Variants in ZNF736 observed in about 807,000 individuals in gnomAD.
ZNF736 encodes the protein KRAB-containing zinc-finger repressor protein.
In ZNF736, 6 loss-of-function variants were observed where a neutral mutation model predicts 11.7. The ratio of observed to expected loss-of-function variants is 0.51; its 90% CI spans 0.28 to 1.01. ZNF736 has a LOEUF of 1.01. Among genes scored for constraint, ZNF736 ranks in the 50% least tolerant of loss-of-function variants. The pLI is 0.09. For missense variants in ZNF736, 444 were observed against 496.0 expected (o/e 0.90, Z 1.00); for synonymous variants, 139 against 164.7 (o/e 0.84, Z 1.19).
At chr7:64,328,505 A>G (rs1405958030) in intron 1 of ZNF736, among the ~76,000 whole-genome samples, 3 of 152,148 alleles carry the variant, frequency 2.0e-5, no homozygotes, top group Admixed American at 2.0e-4. Flanking sequence ...TCACGCCTGT[A>G]ATCCCAGCAC....
At chr7:64,337,756 G>T (rs776300) in intron 3 of ZNF736, among the ~76,000 whole-genome samples, 68,287 of 111,974 alleles carry the variant, frequency 0.61, 19,238 homozygotes, top group Middle Eastern at 0.7. Flanking sequence ...GTTTTTTTTG[G>T]TTTTTTTTTT....
intron 2 of ZNF736, 59 bp from the exon 3 acceptor site, chr7:64,336,826 GTA>G: frequency 7.7e-7 from 1 of 1,305,764 alleles, no homozygotes; most frequent in Non-Finnish European, 1.1e-6. Flanking sequence ...ACTGAGCATA[GTA>G]CTAGATTAGT....
chr7:64,318,939 C>G (rs1055220531), intron 1 of ZNF736, among the ~76,000 whole-genome samples: 16 of 152,076 alleles, frequency 1.1e-4, no homozygotes, highest in Admixed American at 5.2e-4. Context: ...AAAGGAGAAG[C>G]CTGTGGCACT....
In ZNF736 at chr7:64,350,485, A is replaced by G. The variant is rs143481036; in HGVS notation, c.*1338A>G. 2.6e-5 allele frequency: 4 copies of G among 152,234 alleles called. No individual in the cohort carries two copies. Among genetic ancestry groups the G allele is most frequent in the Non-Finnish European group, 5.9e-5 (4 of 68,014 alleles). The allele number at this position is 152,234 out of a possible 1,614,324, so 9.4% of individuals were successfully genotyped here. On this transcript the variant is annotated 3_prime_UTR_variant, in exon 4 of 4. Coordinates refer to ENST00000423484, the MANE Select transcript of ZNF736 (RefSeq NM_001170905.3). ...TTTTCCTCCCTTGCATTGGGTTGCA[A>G]ATTACTTTTGTAACTCAGTGAAGTT... is the stretch of plus-strand genomic sequence containing the variant.
In ZNF736 at chr7:64,350,592, G is replaced by C. The variant is rs1428389854; in HGVS notation, c.*1445G>C. The C allele has an allele frequency of 6.6e-6, 1 of 151,962 alleles. No individual in the cohort carries two copies. Among genetic ancestry groups the C allele is most frequent in the Non-Finnish European group, 1.5e-5 (1 of 67,998 alleles). 9.4% of individuals were successfully genotyped at this position (151,962 alleles called of 1,614,324 possible). ...TAATTTGGTCATTTGGATGAAAGAA[G>C]TCACTCTGGCTTTTTGTGTTTTTAT... On this transcript the variant is annotated 3_prime_UTR_variant, in exon 4 of 4. Transcript: ENST00000423484.
At chr7:64,337,786 C>CTTTTTTTTTTTTTTTT (rs1789280582) in intron 3 of ZNF736, among the ~76,000 whole-genome samples, 1 of 93,126 alleles carries the variant, frequency 1.1e-5, no homozygotes, top group Non-Finnish European at 2.1e-5. Context: ...CAGAGTTTTG[C>CTTTTTTTTTTTTTTTT]TCTTGTTGCC....
intron 3 of ZNF736, among the ~76,000 whole-genome samples, chr7:64,337,764 T>G (rs894756025): frequency 1.4e-5 from 2 of 146,416 alleles, no homozygotes; most frequent in African/African-American, 5.0e-5. Context: ...TGGTTTTTTT[T>G]TTTTTTTGAG....
At position 64,314,225 on chromosome 7, in the gene ZNF736, G is replaced by A. The variant is rs1584262226; in HGVS notation, c.3+72G>A. 7.2e-6 allele frequency: 11 copies of A among 1,537,782 alleles called. No homozygotes were observed. In the East Asian group the frequency reaches 2.7e-4, roughly 38 times the overall value. ...GAATCCGGCCGGAACCGGCTGCGGTGGTATCTGGGCCTTCTCGCGGTCTGC... is the reference window on the plus strand; with the variant it reads ...GAATCCGGCCGGAACCGGCTGCGGTAGTATCTGGGCCTTCTCGCGGTCTGC... On this transcript the variant is annotated intron_variant, in intron 1 of 3. Transcript: ENST00000423484.
At chr7:64,340,876 A>T (rs1429603141) in intron 3 of ZNF736, among the ~76,000 whole-genome samples, 1 of 152,134 alleles carries the variant, frequency 6.6e-6, no homozygotes, top group East Asian at 1.9e-4. Context: ...TCACTTCGAA[A>T]TTTAGGAAGT....
intron 1 of ZNF736, among the ~76,000 whole-genome samples, chr7:64,318,401 G>T (rs562281285): frequency 6.6e-6 from 1 of 151,846 alleles, no homozygotes; most frequent in East Asian, 1.9e-4. Context: ...AATCAGTATT[G>T]TAAGTTTATA....
chr7:64,314,296 C>T, intron 1 of ZNF736, 143 bp downstream of exon 1: 3 of 1,075,954 alleles, frequency 2.8e-6, no homozygotes, highest in Non-Finnish European at 4.0e-6. Flanking sequence ...GCTCAATCCT[C>T]ATTTCCCTCC....
In ZNF736 at chr7:64,328,420, G is replaced by A. The variant is rs150200721; in HGVS notation, c.4-7839G>A. ...ATGTTATTTGTTTCTTTTCTCTGCT[G>A]CTTTTAGAATCCTTTATCTTTGACC... is the stretch of plus-strand genomic sequence containing the variant. On this transcript the variant is annotated intron_variant, in intron 1 of 3. Coordinates refer to ENST00000423484, the MANE Select transcript of ZNF736 (RefSeq NM_001170905.3). 4.2e-3 allele frequency among the ~76,000 whole-genome samples: 641 copies of A among 151,142 alleles called. 6 individuals are homozygous for A. The highest frequency in any genetic ancestry group is 0.016 in the South Asian group (74 of 4,750).
chr7:64,335,673 A>G (rs1367279460), intron 1 of ZNF736, among the ~76,000 whole-genome samples: 3 of 152,176 alleles, frequency 2.0e-5, no homozygotes, highest in Non-Finnish European at 2.9e-5. Context: ...TTCTCTTTGC[A>G]TATCGCTTGC....
rs1054608143 is a variant in ZNF736, at chr7:64,337,401, G to A, written c.226+419G>A. On this transcript the variant is annotated intron_variant, in intron 3 of 3. Transcript: ENST00000423484. ...ATAATGTCTAAATATTTAAGTTTTG[G>A]TGATATTACAGTTTGGATCAGAAAT... is the stretch of plus-strand genomic sequence containing the variant. 4.7e-5 allele frequency: 8 copies of A among 170,704 alleles called. No homozygotes were observed. In the Admixed American group the frequency reaches 4.8e-4, roughly 10 times the overall value. 10.6% of individuals were successfully genotyped at this position (170,704 alleles called of 1,614,324 possible). A position where few individuals can be genotyped will look rare whatever the true frequency, so the allele number is the denominator to read the frequency against.
intron 1 of ZNF736, among the ~76,000 whole-genome samples, chr7:64,325,909 C>A (rs1340268417): frequency 6.6e-6 from 1 of 152,014 alleles, no homozygotes; most frequent in Non-Finnish European, 1.5e-5. Context: ...TTGAATATAG[C>A]CAATTTAAAT....
rs531190618 is a variant in ZNF736, at chr7:64,351,253, G to C, written c.*2106G>C. 5.2e-5 allele frequency: 8 copies of C among 152,516 alleles called. No homozygotes were observed. Among genetic ancestry groups the C allele is most frequent in the African/African-American group, 1.4e-4 (6 of 41,580 alleles). The allele number at this position is 152,516 out of a possible 1,614,324, so 9.4% of individuals were successfully genotyped here. A position where few individuals can be genotyped will look rare whatever the true frequency, so the allele number is the denominator to read the frequency against. On this transcript the variant is annotated 3_prime_UTR_variant, in exon 4 of 4. Transcript: ENST00000423484. ...GCCCACCAAAGTTTCATCTACAATG[G>C]CAGTTGCTGGGGGTGGCGGGGCATA...
chr7:64,315,812 A>G (rs1341715539), intron 1 of ZNF736, among the ~76,000 whole-genome samples: 3 of 152,202 alleles, frequency 2.0e-5, no homozygotes, highest in African/African-American at 7.2e-5. Flanking sequence ...AATGCCAACT[A>G]TCCCTCTCCA....
rs61283371 is a variant in ZNF736, at chr7:64,346,421, A to ATT, written c.227-1660_227-1659dup. Among the ~76,000 whole-genome samples, 719 of 148,294 alleles carry ATT rather than the reference A, an allele frequency of 4.8e-3. 8 individuals carry two copies. Among genetic ancestry groups the ATT allele is most frequent in the African/African-American group, 0.016 (630 of 40,456 alleles). The stretch of plus-strand genomic sequence containing the variant: ...TTGATATATGTCATGATATAGTTAG[A>ATT]TTTTTTTTTTCATTTTGGAAGATAC... On this transcript the variant is annotated intron_variant, in intron 3 of 3. Transcript: ENST00000423484.
Position 64,353,701 on chromosome 7 carries a change from T to TATTA in ZNF736, c.*4555_*4558dup, listed in dbSNP as rs1789519871. On this transcript the variant is annotated 3_prime_UTR_variant, in exon 4 of 4. Transcript: ENST00000423484. ...AGAAATTCTAAGTGGAAAGGCCACT[T>TATTA]ATTAGTTTACAGCAGTATCGTAAGT... The TATTA allele has an allele frequency of 4.7e-5, 1 of 21,402 alleles. No homozygotes were observed. The highest frequency in any genetic ancestry group is 2.7e-4 in the Admixed American group (1 of 3,750). 1.3% of individuals were successfully genotyped at this position (21,402 alleles called of 1,614,324 possible).
Sources: allele counts gnomAD v4.1 joint callset (sites outside exome capture counted in the v4.1 genomes callset), GRCh38; gene constraint gnomAD v4.1.1; transcripts MANE v1.5; gene names NCBI Gene and HGNC (gene_info 2026-07-23, HGNC 2026-07-21).